CFAP47: variants seen among roughly 807,000 people sequenced by gnomAD.
CFAP47 encodes cilia- and flagella-associated protein 47.
A neutral mutation model predicts 148.1 loss-of-function variants in CFAP47; 29 were observed. That is an observed-to-expected ratio of 0.20 (90% CI 0.15 to 0.27). The LOEUF (loss-of-function observed/expected upper bound fraction) is 0.27. Among genes scored for constraint, CFAP47 ranks in the 10% least tolerant of loss-of-function variants. The pLI is 1.00. For synonymous variants in CFAP47, 664 were observed against 577.3 expected, an observed-to-expected ratio of 1.15 and a Z score of -2.15; for missense variants, 1,872 against 1,697.5, an observed-to-expected ratio of 1.10 and a Z score of -1.81.
intron 2 of CFAP47, among the ~76,000 whole-genome samples, chrX:35,937,761 A>T (rs928416454): frequency 7.7e-5 from 7 of 90,415 alleles, no homozygotes; most frequent in African/African-American, 1.3e-4. Context: ...GAATGTGATT[A>T]AAAAAAACTG....
intron 5 of CFAP47, 62 bp from the exon 6 acceptor site, chrX:35,951,741 C>A: frequency 9.9e-7 from 1 of 1,013,734 alleles, no homozygotes; most frequent in South Asian, 3.7e-5. Context: ...ATTTTGTAAC[C>A]TCCTCAAAAA....
At chrX:36,384,704 A>T (rs1282149955) in intron 63 of CFAP47, 93 bp from the exon 64 acceptor site, 14 of 600,313 alleles carry the variant, frequency 2.3e-5, no homozygotes, top group Non-Finnish European at 3.8e-5. Flanking sequence ...CTCTACATGG[A>T]GAACAGAAGA....
intron 49 of CFAP47, among the ~76,000 whole-genome samples, chrX:36,252,690 T>C (rs1030958938): frequency 8.9e-6 from 1 of 111,913 alleles, no homozygotes; most frequent in African/African-American, 3.2e-5. Context: ...TTAAAGAAAT[T>C]TAAGTTTTAG....
At chrX:36,237,818 C>A (rs1940489154) in intron 48 of CFAP47, among the ~76,000 whole-genome samples, 1 of 111,508 alleles carries the variant, frequency 9.0e-6, no homozygotes, top group African/African-American at 3.3e-5. Context: ...TTAGAGGGGA[C>A]TACAGAAGTT....
At chrX:36,366,396 CA>C (rs1475587844) in intron 61 of CFAP47, among the ~76,000 whole-genome samples, 2 of 111,911 alleles carry the variant, frequency 1.8e-5, no homozygotes, top group African/African-American at 6.5e-5. Context: ...AGCTGCCACT[CA>C]ATTTTATCTT....
At chrX:35,974,944 G>T (rs992602130) in intron 13 of CFAP47, among the ~76,000 whole-genome samples, 130 of 111,046 alleles carry the variant, frequency 1.2e-3, no homozygotes, top group African/African-American at 3.4e-3. Flanking sequence ...ATATTGAATT[G>T]TAGCCAATAA....
chrX:36,223,155 A>C (rs1006522785), intron 45 of CFAP47, among the ~76,000 whole-genome samples: 4 of 111,499 alleles, frequency 3.6e-5, no homozygotes, highest in African/African-American at 1.3e-4. Context: ...CCCAGAAGCC[A>C]AGCAGATACT....
At chrX:36,185,283 A>G (rs868983884) in intron 40 of CFAP47, among the ~76,000 whole-genome samples, 1 of 110,029 alleles carries the variant, frequency 9.1e-6, no homozygotes, top group Non-Finnish European at 1.9e-5. Flanking sequence ...TATCTCATCC[A>G]TGAAGACTCC....
intron 53 of CFAP47, among the ~76,000 whole-genome samples, chrX:36,301,918 G>A (rs192583747): frequency 5.4e-5 from 6 of 110,488 alleles, no homozygotes; most frequent in African/African-American, 2.0e-4. Flanking sequence ...AGTATACACC[G>A]TAGTGAGCAA....
chrX:35,998,243 A>G, intron 19 of CFAP47, among the ~76,000 whole-genome samples: 1 of 111,256 alleles, frequency 9.0e-6, no homozygotes, highest in Non-Finnish European at 1.9e-5. Flanking sequence ...GCATTATTGT[A>G]TGTACCCTGA....
intron 35 of CFAP47, chrX:36,144,794 G>A (rs768691729): frequency 5.9e-6 from 6 of 1,023,828 alleles, no homozygotes; most frequent in Non-Finnish European, 6.4e-6. Flanking sequence ...TTCTCCTTCT[G>A]CCCTTGGACA....
chrX:36,243,390 G>T (rs1555996415), intron 48 of CFAP47, among the ~76,000 whole-genome samples: 1 of 109,335 alleles, frequency 9.1e-6, no homozygotes, highest in African/African-American at 3.3e-5. Context: ...AGAATGGAAG[G>T]CTAGATTAAA....
At chrX:36,345,090 T>G (rs949101682) in intron 57 of CFAP47, among the ~76,000 whole-genome samples, 5 of 112,278 alleles carry the variant, frequency 4.5e-5, no homozygotes, top group African/African-American at 1.6e-4. Context: ...TTACAAGTTC[T>G]TGCAAATATC....
intron 22 of CFAP47, among the ~76,000 whole-genome samples, chrX:36,017,400 C>T (rs148869518): frequency 0.016 from 1,836 of 111,836 alleles, 46 homozygotes; most frequent in African/African-American, 0.057. Context: ...GATGTGATAT[C>T]GTTTGTCCAG....
At chrX:36,088,442 A>G (rs185215879) in intron 30 of CFAP47, among the ~76,000 whole-genome samples, 50 of 111,205 alleles carry the variant, frequency 4.5e-4, no homozygotes, top group African/African-American at 1.6e-3. Flanking sequence ...GGTTAAATGT[A>G]GGGCCCTAAT....
chrX:35,933,760 A>G (rs1346230009), intron 2 of CFAP47, among the ~76,000 whole-genome samples: 2 of 112,000 alleles, frequency 1.8e-5, no homozygotes, highest in Non-Finnish European at 3.8e-5. Flanking sequence ...TGGATAAAAG[A>G]CATTTTAATT....
At chrX:36,310,082 A>C (rs1556009605) in intron 55 of CFAP47, among the ~76,000 whole-genome samples, 1 of 107,111 alleles carries the variant, frequency 9.3e-6, no homozygotes, top group East Asian at 3.0e-4. Flanking sequence ...ATTATAAAGT[A>C]GGACATTGTT....
intron 26 of CFAP47, among the ~76,000 whole-genome samples, chrX:36,048,216 A>G (rs1937489445): frequency 1.8e-5 from 2 of 112,089 alleles, no homozygotes; most frequent in Admixed American, 1.9e-4. Context: ...AATTTCTATG[A>G]AATAAATTAT....
chrX:36,294,210 C>G (rs1400433011), intron 51 of CFAP47, among the ~76,000 whole-genome samples: 2 of 110,751 alleles, frequency 1.8e-5, no homozygotes, highest in African/African-American at 6.6e-5. Context: ...CATCCTGCAA[C>G]CTGAAAGAGC....
Sources: gnomAD v4.1 joint callset for allele counts (sites outside exome capture counted in the v4.1 genomes callset) on GRCh38, gnomAD v4.1.1 for gene constraint, MANE v1.5 for transcripts, NCBI Gene and HGNC (gene_info 2026-07-23, HGNC 2026-07-21) for gene names.